Variants in SMOC1 observed in about 807,000 individuals in gnomAD.
SMOC1 encodes the protein SPARC related modular calcium binding 1.
A neutral mutation model predicts 56.3 loss-of-function variants in SMOC1; 22 were observed. That is an observed-to-expected ratio of 0.39 (90% confidence interval 0.28 to 0.56). SMOC1 has a LOEUF of 0.56. SMOC1 is among the 20% of genes least tolerant of loss of function. SMOC1 has a pLI of 0.61. For synonymous variants in SMOC1, 193 were observed against 215.0 expected, an observed-to-expected ratio of 0.90 and a Z score of 0.89; for missense variants, 509 against 565.4, an observed-to-expected ratio of 0.90 and a Z score of 1.01.
At position 69,922,926 on chromosome 14, in the gene SMOC1, A is replaced by G. The variant is rs149732722; in HGVS notation, c.100-29212A>G. Among the ~76,000 whole-genome samples the G allele has an allele frequency of 2.2e-3, 329 of 150,074 alleles. 1 individual carries two copies. The highest frequency in any genetic ancestry group is 7.9e-3 in the African/African-American group (315 of 39,974). On this transcript the variant is annotated intron_variant, in intron 1 of 11. Coordinates refer to ENST00000361956, the MANE Select transcript of SMOC1 (RefSeq NM_001034852.3). The stretch of plus-strand genomic sequence containing the variant: ...AGGGGTGGTCCTAGAGCAGGGTCTC[A>G]GCCCTCTTTTTTTTGTTTTTTTTGT...
At chr14:69,980,145 G>A (rs1884124735) in intron 5 of SMOC1, among the ~76,000 whole-genome samples, 1 of 152,170 alleles carries the variant, frequency 6.6e-6, no homozygotes, top group South Asian at 2.1e-4. Context: ...CAAGCAGTGA[G>A]TACCATTTGT....
At chr14:70,005,631 T>A (rs1885124948) in intron 7 of SMOC1, among the ~76,000 whole-genome samples, 1 of 152,166 alleles carries the variant, frequency 6.6e-6, no homozygotes, top group Admixed American at 6.5e-5. Context: ...TGCTTGGATG[T>A]TTTTTCTATT....
chr14:69,994,390 T>C lies in SMOC1; in HGVS notation c.584-10T>C. ...CCAGACTTTTTCTCTCTCCTTTTCC[T>C]CACCCCTAGAAATCACAGCCCCAAC... On this transcript the variant is annotated splice_polypyrimidine_tract_variant and intron_variant, in intron 6 of 11. Coordinates refer to ENST00000361956, the MANE Select transcript of SMOC1 (RefSeq NM_001034852.3). The C allele has an allele frequency of 6.2e-7, 1 of 1,611,518 alleles. No individual in the cohort carries two copies.
At chr14:69,906,423 C>T (rs1036429913) in intron 1 of SMOC1, among the ~76,000 whole-genome samples, 1 of 152,096 alleles carries the variant, frequency 6.6e-6, no homozygotes, top group African/African-American at 2.4e-5. Context: ...AGCTGATGTC[C>T]CACTGACAGC....
chr14:70,024,523 A>C (rs1279257766), intron 11 of SMOC1, among the ~76,000 whole-genome samples: 1 of 152,118 alleles, frequency 6.6e-6, no homozygotes, highest in African/African-American at 2.4e-5. Context: ...CTTGCAGATA[A>C]ATTTGCCAAC....
At chr14:70,014,098 T>C (rs1214641357) in intron 10 of SMOC1, among the ~76,000 whole-genome samples, 1 of 152,232 alleles carries the variant, frequency 6.6e-6, no homozygotes, top group South Asian at 2.1e-4. Context: ...GCCAGTCGGT[T>C]GGAGATGCAT....
intron 3 of SMOC1, among the ~76,000 whole-genome samples, chr14:69,966,259 A>T (rs1198578155): frequency 2.6e-5 from 4 of 152,196 alleles, no homozygotes; most frequent in African/African-American, 9.6e-5. Flanking sequence ...CAAAACCTGG[A>T]CCATTCTAGG....
Position 70,030,771 on chromosome 14 carries a change from C to T in SMOC1, c.*513C>T, listed in dbSNP as rs1399682021. ...ACTAAACTTCTGTTTGGAGACTGAC[C>T]CTTGTGTATAAAGACGGGAGTCCTG... On this transcript the variant is annotated 3_prime_UTR_variant, in exon 12 of 12. Transcript: ENST00000361956. 1 of 154,540 alleles carries T rather than the reference C, an allele frequency of 6.5e-6. No homozygotes were observed. Among genetic ancestry groups the T allele is most frequent in the South Asian group, 2.0e-4 (1 of 4,950 alleles). 9.6% of individuals were successfully genotyped at this position (154,540 alleles called of 1,614,324 possible).
At chr14:69,910,769 G>T (rs139752589) in intron 1 of SMOC1, among the ~76,000 whole-genome samples, 1 of 152,124 alleles carries the variant, frequency 6.6e-6, no homozygotes, top group Non-Finnish European at 1.5e-5. Context: ...CTGAGCAGAC[G>T]GATTTTCCAT....
rs143216395 is a variant in SMOC1, at chr14:69,973,477, A to C, written c.379-2238A>C. Among the ~76,000 whole-genome samples, 34 of 152,288 alleles carry C rather than the reference A, an allele frequency of 2.2e-4. 1 individual carries two copies. The East Asian group carries it at 6.6e-3, about 29-fold the overall frequency. ...TTCCATTCCACCATTAAGGCTCCTC[A>C]GAAAGTAGTGTTGACGTGACCCCAA... On this transcript the variant is annotated intron_variant, in intron 3 of 11. Coordinates refer to ENST00000361956, the MANE Select transcript of SMOC1 (RefSeq NM_001034852.3).
chr14:70,025,137 G>A (rs772534373), intron 11 of SMOC1, among the ~76,000 whole-genome samples: 16 of 152,210 alleles, frequency 1.1e-4, no homozygotes, highest in Admixed American at 2.6e-4. Context: ...GTTTGGACAC[G>A]TTGAGTTGGA....
chr14:70,022,595 C>T (rs974283400), intron 10 of SMOC1, among the ~76,000 whole-genome samples: 1 of 152,250 alleles, frequency 6.6e-6, no homozygotes, highest in African/African-American at 2.4e-5. Context: ...CTCTCAATTC[C>T]CACTGCACTG....
At chr14:69,958,803 T>C (rs1594823560) in intron 3 of SMOC1, among the ~76,000 whole-genome samples, 1 of 152,308 alleles carries the variant, frequency 6.6e-6, no homozygotes, top group Non-Finnish European at 1.5e-5. Context: ...AAATATCCAA[T>C]ACTAGAAAAT....
intron 1 of SMOC1, among the ~76,000 whole-genome samples, chr14:69,935,194 G>A (rs539857942): frequency 8.5e-5 from 13 of 152,288 alleles, no homozygotes; most frequent in African/African-American, 3.1e-4. Flanking sequence ...TGGAGACAGG[G>A]ACCCCAAATA....
intron 9 of SMOC1, among the ~76,000 whole-genome samples, chr14:70,012,541 A>G (rs147057162): frequency 1.2e-3 from 186 of 152,334 alleles, no homozygotes; most frequent in African/African-American, 4.1e-3. Flanking sequence ...CTTCTCTGAG[A>G]AGCAAGTGTT....
intron 1 of SMOC1, among the ~76,000 whole-genome samples, chr14:69,908,530 C>T (rs778671919): frequency 2.6e-5 from 4 of 152,002 alleles, no homozygotes; most frequent in Admixed American, 6.5e-5. Flanking sequence ...AGACTCTGGC[C>T]GCAGGACAGC....
At chr14:70,000,352 G>A (rs2139562480) in intron 7 of SMOC1, among the ~76,000 whole-genome samples, 3 of 152,276 alleles carry the variant, frequency 2.0e-5, no homozygotes, top group Admixed American at 2.0e-4. Flanking sequence ...AAAGTACGGA[G>A]ACTGTCAGTT....
chr14:69,909,710 G>A (rs1433634443), intron 1 of SMOC1, among the ~76,000 whole-genome samples: 1 of 152,184 alleles, frequency 6.6e-6, no homozygotes, highest in East Asian at 1.9e-4. Flanking sequence ...GAAAATGTCA[G>A]GGTATTTTCC....
chr14:69,899,827 T>G (rs993935212), intron 1 of SMOC1, among the ~76,000 whole-genome samples: 1 of 152,184 alleles, frequency 6.6e-6, no homozygotes, highest in East Asian at 1.9e-4. Context: ...CCTAAACTGT[T>G]GAGGTTTAGA....
Sources: gnomAD v4.1 joint callset for allele counts (sites outside exome capture counted in the v4.1 genomes callset) on GRCh38, gnomAD v4.1.1 for gene constraint, MANE v1.5 for transcripts, NCBI Gene and HGNC (gene_info 2026-07-23, HGNC 2026-07-21) for gene names.